PNP: variants seen among roughly 807,000 people sequenced by gnomAD.
PNP encodes purine nucleoside phosphorylase.
A neutral mutation model predicts 26.8 loss-of-function variants in PNP; 18 were observed. The ratio of observed to expected loss-of-function variants is 0.67; its 90% CI spans 0.46 to 1.00. The LOEUF is 1.00. Among genes scored for constraint, PNP ranks in the 50% least tolerant of loss-of-function variants. The pLI is 0.00. For missense variants in PNP, 320 were observed against 362.9 expected (o/e 0.88, Z 0.96); for synonymous variants, 116 against 124.8 (o/e 0.93, Z 0.47).
Position 20,474,496 on chromosome 14 carries a change from T to A in PNP, c.206T>A (p.Val69Glu). ...STVPGHAGRLVFGFLNGRACV... is the reference protein window; with the variant it reads ...STVPGHAGRLEFGFLNGRACV... ...GTGCCAGGTCATGCTGGCCGACTGG[T>A]GTTTGGGTTCCTGAATGGCAGGGCC... The change falls in exon 3 of 6, where the codon GTG becomes GAG. Residue 69 changes from valine to glutamate, a missense_variant. Transcript: ENST00000361505. The A allele has an allele frequency of 6.2e-7, 1 of 1,614,204 alleles. No homozygotes were observed. Among genetic ancestry groups the A allele is most frequent in the Non-Finnish European group, 8.5e-7 (1 of 1,180,020 alleles).
rs1882133271 is a variant in PNP at position 20,477,074 on chromosome 14, G to C, written c.*473G>C. 5.0e-6 allele frequency: 1 copy of C among 198,958 alleles called. No individual in the cohort carries two copies. The highest frequency in any genetic ancestry group is 8.5e-5 in the South Asian group (1 of 11,750). 12.3% of individuals were successfully genotyped at this position (198,958 alleles called of 1,614,324 possible). A position where few individuals can be genotyped will look rare whatever the true frequency, so the allele number is the denominator to read the frequency against. The stretch of plus-strand genomic sequence containing the variant: ...AATGTCATAATGTTGTCAGAATAAA[G>C]AGAAAGATGAAATAATTTCATTTTT... On this transcript the variant is annotated 3_prime_UTR_variant, in exon 6 of 6. Transcript: ENST00000361505.
chr14:20,469,572 G>T (rs750831232), intron 1 of PNP, 37 bp downstream of exon 1: 194 of 1,554,006 alleles, frequency 1.2e-4, no homozygotes, highest in Non-Finnish European at 1.6e-4. Context: ...CCCTTGGGGA[G>T]GGGCAGGTGC....
At chr14:20,476,298 A>C (rs1248528205) in intron 5 of PNP, 86 bp from the exon 6 acceptor site, 1 of 1,110,184 alleles carries the variant, frequency 9.0e-7, no homozygotes, top group African/African-American at 1.5e-5. Flanking sequence ...TGAGATTTTT[A>C]ATTCTTGTTG....
At chr14:20,473,978 A>G (rs976324016) in intron 2 of PNP, 5 of 199,590 alleles carry the variant, frequency 2.5e-5, no homozygotes, top group African/African-American at 1.2e-4. Context: ...TGAGCAGTGA[A>G]CATTGTACTT....
intron 1 of PNP, among the ~76,000 whole-genome samples, chr14:20,471,206 T>G (rs1398677505): frequency 3.5e-5 from 5 of 141,992 alleles, no homozygotes; most frequent in African/African-American, 5.3e-5. Flanking sequence ...AATTTTTTTT[T>G]TTTTTTTTTT....
chr14:20,470,269 G>A lies in PNP; in HGVS notation c.11+734G>A, dbSNP rs141004004. 2.8e-4 allele frequency among the ~76,000 whole-genome samples: 43 copies of A among 152,374 alleles called. No individual in the cohort carries two copies. The East Asian group carries it at 7.3e-3, about 26-fold the overall frequency. ...GTTCTTGAGGGGACTGATAGCCAAT[G>A]AGGAAGTGCTGTGAGATGTGGCTAG... On this transcript the variant is annotated intron_variant, in intron 1 of 5. Transcript: ENST00000361505.
Position 20,472,255 on chromosome 14 carries a change from G to A in PNP, c.12-53G>A. The A allele has an allele frequency of 3.3e-6, 5 of 1,509,322 alleles. No individual in the cohort carries two copies. In the East Asian group the frequency reaches 9.0e-5, roughly 27 times the overall value. 93.5% of individuals were successfully genotyped at this position (1,509,322 alleles called of 1,614,324 possible). A position where few individuals can be genotyped will look rare whatever the true frequency, so the allele number is the denominator to read the frequency against. On this transcript the variant is annotated intron_variant, in intron 1 of 5. Transcript: ENST00000361505. Reference sequence around the variant, plus strand: ...TTTTTGCACCGAAGGTCATTTGTCTGTGATGCCCTTGGAATGGGAGCAGAA... The same window carrying A: ...TTTTTGCACCGAAGGTCATTTGTCTATGATGCCCTTGGAATGGGAGCAGAA...
chr14:20,474,105 G>A, intron 2 of PNP: 1 of 301,252 alleles, frequency 3.3e-6, no homozygotes, highest in Non-Finnish European at 6.5e-6. Flanking sequence ...ACTTATAAGT[G>A]AGAACATGTA....
intron 1 of PNP, among the ~76,000 whole-genome samples, chr14:20,470,880 G>A (rs17882836): frequency 0.01 from 1,570 of 152,182 alleles, 10 homozygotes; most frequent in Non-Finnish European, 0.017. Context: ...TAAGATAGAT[G>A]GGGCCAATTT....
At chr14:20,472,255 G>T (rs77120846) in intron 1 of PNP, 53 bp from the exon 2 acceptor site, 741 of 1,509,202 alleles carry the variant, frequency 4.9e-4, no homozygotes, top group Non-Finnish European at 6.2e-4. Context: ...TCATTTGTCT[G>T]TGATGCCCTT....
chr14:20,469,479 T>C lies in PNP; in HGVS notation c.-46T>C. ...GCGGATCCGATCGGATCGGAGCGGA[T>C]CGGAGCACACCGGAGCAGGCTCATC... On this transcript the variant is annotated 5_prime_UTR_variant, in exon 1 of 6. Transcript: ENST00000361505. The C allele has an allele frequency of 6.5e-7, 1 of 1,549,774 alleles. No homozygotes were observed. Among genetic ancestry groups the C allele is most frequent in the Non-Finnish European group, 8.7e-7 (1 of 1,146,908 alleles).
At chr14:20,472,283 C>T (rs771975766) in intron 1 of PNP, 25 bp from the exon 2 acceptor site, 1 of 1,606,008 alleles carries the variant, frequency 6.2e-7, no homozygotes, top group East Asian at 2.2e-5. Context: ...GAGCAGAATT[C>T]ACCTTGATAT....
At chr14:20,471,187 C>A (rs1050071842) in intron 1 of PNP, among the ~76,000 whole-genome samples, 1 of 147,276 alleles carries the variant, frequency 6.8e-6, no homozygotes, top group South Asian at 2.2e-4. Context: ...CCCGCCACCA[C>A]GCCCGGCTAA....
chr14:20,470,781 A>T (rs1446086424), intron 1 of PNP: 5 of 152,362 alleles, frequency 3.3e-5, no homozygotes, highest in African/African-American at 1.2e-4. Context: ...GGTGGAAAGC[A>T]GGAGAAAGAT....
intron 5 of PNP, 102 bp downstream of exon 5, chr14:20,475,354 C>A: frequency 1.0e-6 from 1 of 989,898 alleles, no homozygotes; most frequent in Non-Finnish European, 1.5e-6. Context: ...CTGAGAGGAT[C>A]TGATTTCAGG....
intron 5 of PNP, among the ~76,000 whole-genome samples, chr14:20,475,822 A>G (rs1367591760): frequency 1.3e-5 from 2 of 152,186 alleles, no homozygotes; most frequent in African/African-American, 4.8e-5. Context: ...TAAAAAATTC[A>G]CTATAGCCAC....
intron 1 of PNP, 88 bp downstream of exon 1, chr14:20,469,623 G>A (rs1881941487): frequency 6.6e-7 from 1 of 1,517,046 alleles, no homozygotes; most frequent in Admixed American, 2.0e-5. Flanking sequence ...AGAGGGAGCT[G>A]GCGGAGGGAG....
intron 2 of PNP, 165 bp from the exon 3 acceptor site, chr14:20,474,307 C>T (rs761782425): frequency 1.8e-5 from 12 of 650,126 alleles, no homozygotes; most frequent in Non-Finnish European, 3.3e-5. Context: ...ATGCCTGGCT[C>T]TCTCACCAGA....
Position 20,476,661 on chromosome 14 carries a change from G to C in PNP, c.*60G>C. ...GACCCAAGTAGCTGCTACCTTCTTT[G>C]GCCCCTTGCTGGAGTCATGTGCCTC... On this transcript the variant is annotated 3_prime_UTR_variant, in exon 6 of 6. Coordinates refer to ENST00000361505, the MANE Select transcript of PNP (RefSeq NM_000270.4). 7.2e-7 allele frequency: 1 copy of C among 1,381,968 alleles called. No homozygotes were observed. The highest frequency in any genetic ancestry group is 1.0e-6 in the Non-Finnish European group (1 of 971,230). The allele number at this position is 1,381,968 out of a possible 1,614,324, so 85.6% of individuals were successfully genotyped here.
Sources: allele counts gnomAD v4.1 joint callset (sites outside exome capture counted in the v4.1 genomes callset), GRCh38; gene constraint gnomAD v4.1.1; transcripts MANE v1.5; gene names NCBI Gene and HGNC (gene_info 2026-07-23, HGNC 2026-07-21).